The following MRAP2 variants were observed in gnomAD, a reference collection of about 807,000 sequenced individuals.
MRAP2 encodes the protein melanocortin 2 receptor accessory protein 2.
Under a neutral mutation model 17.4 loss-of-function variants are expected in MRAP2, and 20 were observed. That is an observed-to-expected ratio of 1.15 (90% CI 0.81 to 1.67). The LOEUF (loss-of-function observed/expected upper bound fraction) is 1.67, where lower values mean the gene tolerates loss of function less well. Ranked by LOEUF, MRAP2 falls within the 40% of genes most tolerant of loss-of-function variation. MRAP2 has a pLI of 0.00. For synonymous variants in MRAP2, 96 were observed against 88.4 expected, an observed-to-expected ratio of 1.09 and a Z score of -0.48; for missense variants, 238 against 240.0, an observed-to-expected ratio of 0.99 and a Z score of 0.05.
At chr6:84,100,979 TCA>T in the MRAP2 span, among the ~76,000 whole-genome samples, 13,093 of 152,206 alleles carry the variant, frequency 0.086, 1,436 homozygotes, top group African/African-American at 0.26. Context: ...CCAAGATCTC[TCA>T]GTCTTTTATT....
the MRAP2 span, among the ~76,000 whole-genome samples, chr6:84,111,053 C>T: frequency 6.6e-6 from 1 of 152,050 alleles, no homozygotes; most frequent in Non-Finnish European, 1.5e-5. Context: ...CAGTTTTGTT[C>T]TTTTTGCTGA....
chr6:84,051,113 C>G (rs1435121252), intron 1 of MRAP2, among the ~76,000 whole-genome samples: 1 of 152,182 alleles, frequency 6.6e-6, no homozygotes, highest in Non-Finnish European at 1.5e-5. Flanking sequence ...GTGTCTAACT[C>G]CAAAGAAGCA....
At chr6:84,067,677 T>C (rs926005661) in intron 3 of MRAP2, among the ~76,000 whole-genome samples, 3 of 152,134 alleles carry the variant, frequency 2.0e-5, no homozygotes, top group African/African-American at 4.8e-5. Context: ...CATTTGTATA[T>C]CTTCTTTTGA....
chr6:84,052,854 G>A, intron 1 of MRAP2: 1 of 957,914 alleles, frequency 1.0e-6, no homozygotes, highest in Non-Finnish European at 1.2e-6. Flanking sequence ...CCCACCTTCA[G>A]GACTTTTGCA....
downstream of MRAP2, among the ~76,000 whole-genome samples, chr6:84,092,367 A>G (rs1043204770): frequency 3.9e-5 from 6 of 152,144 alleles, no homozygotes; most frequent in Admixed American, 3.9e-4. Context: ...TATATGCACA[A>G]TACATACACC....
chr6:84,117,893 G>T, the MRAP2 span, among the ~76,000 whole-genome samples: 1 of 152,168 alleles, frequency 6.6e-6, no homozygotes, highest in Admixed American at 6.5e-5. Flanking sequence ...TTGTTGGGCC[G>T]AATGCACCTG....
intron 3 of MRAP2, among the ~76,000 whole-genome samples, chr6:84,064,549 G>A (rs934528242): frequency 4.6e-5 from 7 of 152,140 alleles, no homozygotes; most frequent in Non-Finnish European, 8.8e-5. Context: ...GTGCAGTGGC[G>A]CCATCTTGGC....
chr6:84,134,919 T>TATACACACACACACAC, the MRAP2 span, among the ~76,000 whole-genome samples: 1 of 148,256 alleles, frequency 6.7e-6, no homozygotes, highest in Admixed American at 6.7e-5. Context: ...AGATCATATA[T>TATACACACACACACAC]ACACACACAC....
At chr6:84,098,446 G>A in the MRAP2 span, among the ~76,000 whole-genome samples, 1 of 152,138 alleles carries the variant, frequency 6.6e-6, no homozygotes, top group Admixed American at 6.5e-5. Context: ...TCATTTATAA[G>A]TCTTCATGTG....
chr6:84,121,328 A>G, the MRAP2 span, among the ~76,000 whole-genome samples: 3 of 152,110 alleles, frequency 2.0e-5, no homozygotes, highest in Non-Finnish European at 4.4e-5. Context: ...TTAGAAATCA[A>G]TACCAAAAGG....
At chr6:84,134,917 T>TAC in the MRAP2 span, among the ~76,000 whole-genome samples, 250 of 73,572 alleles carry the variant, frequency 3.4e-3, 1 homozygote, top group African/African-American at 0.011. Flanking sequence ...AAAGATCATA[T>TAC]ATACACACAC....
intron 2 of MRAP2, among the ~76,000 whole-genome samples, chr6:84,058,779 C>T (rs1014122629): frequency 3.3e-5 from 5 of 151,860 alleles, no homozygotes; most frequent in African/African-American, 9.7e-5. Context: ...GTTTTTTGGA[C>T]GCCAACTGAA....
chr6:84,062,225 T>C (rs757110200), intron 2 of MRAP2: 1 of 484,538 alleles, frequency 2.1e-6, no homozygotes, highest in Non-Finnish European at 2.7e-6. Flanking sequence ...ACCTAGCCAA[T>C]GCTTCTGTAA....
At chr6:84,132,766 A>C in the MRAP2 span, among the ~76,000 whole-genome samples, 1 of 152,000 alleles carries the variant, frequency 6.6e-6, no homozygotes. Context: ...CAAGGTTTTT[A>C]GCTCCTTTGC....
At chr6:84,087,106 CACACCCATG>C (rs1321700936) in intron 3 of MRAP2, among the ~76,000 whole-genome samples, 1 of 152,210 alleles carries the variant, frequency 6.6e-6, no homozygotes, top group Non-Finnish European at 1.5e-5. Context: ...GTTGAGGACA[CACACCCATG>C]ACTCAGCCTC....
chr6:84,131,873 A>T, the MRAP2 span, among the ~76,000 whole-genome samples: 1 of 152,090 alleles, frequency 6.6e-6, no homozygotes, highest in Non-Finnish European at 1.5e-5. Flanking sequence ...TGTGAATTTG[A>T]TCCTGTCATT....
Position 84,033,782 on chromosome 6 carries a change from C to T in MRAP2, c.-109C>T, listed in dbSNP as rs1004455286. The T allele has an allele frequency of 1.1e-4, 105 of 987,180 alleles. No individual in the cohort carries two copies. In the African/African-American group the frequency reaches 1.6e-3, roughly 15 times the overall value. 61.2% of individuals were successfully genotyped at this position (987,180 alleles called of 1,614,324 possible). A position where few individuals can be genotyped will look rare whatever the true frequency, so the allele number is the denominator to read the frequency against. On this transcript the variant is annotated 5_prime_UTR_variant, in exon 1 of 4. Transcript: ENST00000257776. ...TCGGATCTAGGAGCTACTCGCCCGG[C>T]CCTGGGCGGTGGGAGGCGGCGGCGG...
In MRAP2 at chr6:84,055,310, A is replaced by G. The variant is rs1291228182; in HGVS notation, c.-7-2A>G. ...TGCGCTTGACTTTCTCCATTTGTGC[A>G]GGTCGGAGATGTCCGCCCAGAGGTT... On this transcript the variant is annotated splice_acceptor_variant, in intron 1 of 3. Coordinates refer to ENST00000257776, the MANE Select transcript of MRAP2 (RefSeq NM_138409.4). LOFTEE classifies it low-confidence loss of function (5UTR_SPLICE). 1 of 1,604,546 alleles carries G rather than the reference A, an allele frequency of 6.2e-7. No individual in the cohort carries two copies. The highest frequency in any genetic ancestry group is 1.7e-4 in the Middle Eastern group (1 of 6,028).
At chr6:84,115,633 A>C in the MRAP2 span, among the ~76,000 whole-genome samples, 2 of 152,152 alleles carry the variant, frequency 1.3e-5, no homozygotes, top group Admixed American at 6.5e-5. Flanking sequence ...GGAAAAAAAA[A>C]CACTCCTGCA....
Sources: allele counts gnomAD v4.1 joint callset (sites outside exome capture counted in the v4.1 genomes callset), GRCh38; gene constraint gnomAD v4.1.1; transcripts MANE v1.5; gene names NCBI Gene and HGNC (gene_info 2026-07-23, HGNC 2026-07-21).